The following ZFHX3 variants were observed in gnomAD, a reference collection of about 807,000 sequenced individuals.
ZFHX3 encodes the protein zinc finger homeobox protein 3.
A neutral mutation model predicts 279.1 loss-of-function variants in ZFHX3; 42 were observed. The observed-to-expected ratio is 0.15, with a 90% CI of 0.12 to 0.19. The LOEUF (loss-of-function observed/expected upper bound fraction) is 0.19. Among genes scored for constraint, ZFHX3 ranks in the 10% least tolerant of loss-of-function variants. The pLI, the probability that ZFHX3 is intolerant of heterozygous loss-of-function variation, is 1.00. For missense variants in ZFHX3, 4,981 were observed against 4,754.0 expected (o/e 1.05, Z -1.40); for synonymous variants, 2,293 against 1,957.8 (o/e 1.17, Z -4.52).
At chr16:73,052,431 G>T (rs1458440742), upstream of ZFHX3, among the ~76,000 whole-genome samples, 1 of 151,908 alleles carries the variant, frequency 6.6e-6, no homozygotes, top group African/African-American at 2.4e-5. Context: ...ATAGACAAAA[G>T]ATGACCTTTT....
At chr16:73,083,767 C>T (rs1005081883) in intron 8 of ZFHX3, among the ~76,000 whole-genome samples, 3 of 152,116 alleles carry the variant, frequency 2.0e-5, no homozygotes, top group Non-Finnish European at 2.9e-5. Context: ...TGGGCTCAAG[C>T]GATCTGCCCG....
chr16:73,248,498 CTA>C (rs1365086988), intron 5 of ZFHX3, among the ~76,000 whole-genome samples: 1 of 150,596 alleles, frequency 6.6e-6, no homozygotes, highest in Non-Finnish European at 1.5e-5. Context: ...GTCTATGTGT[CTA>C]TGTGTGTGTG....
chr16:72,977,514 C>A (rs1046352485), intron 1 of ZFHX3, among the ~76,000 whole-genome samples: 1 of 152,100 alleles, frequency 6.6e-6, no homozygotes, highest in African/African-American at 2.4e-5. Context: ...CATGAACCAC[C>A]TCTTAGAAGT....
At chr16:73,220,398 A>G (rs2012371066) in intron 5 of ZFHX3, among the ~76,000 whole-genome samples, 1 of 152,198 alleles carries the variant, frequency 6.6e-6, no homozygotes, top group Non-Finnish European at 1.5e-5. Context: ...TAAAAAAGAA[A>G]ATATGGGGAA....
In ZFHX3 at chr16:73,366,734, G is replaced by A. The variant is rs181429877; in HGVS notation, c.-1290-48398C>T. 8.3e-4 allele frequency among the ~76,000 whole-genome samples: 127 copies of A among 152,214 alleles called. 1 individual carries two copies. In the East Asian group the frequency reaches 0.012, roughly 15 times the overall value. On this transcript the variant is annotated intron_variant, in intron 3 of 17. Transcript: ENST00000641206. ...TGCACATGCATGTGTGTGTGTGTGC[G>A]TGCACACTCACTGTATGAGTAAATT...
At chr16:73,455,727 T>G (rs2018359741) in intron 3 of ZFHX3, among the ~76,000 whole-genome samples, 1 of 89,228 alleles carries the variant, frequency 1.1e-5, no homozygotes. Context: ...TTTTAAAATA[T>G]TGCTTTTTTT....
chr16:73,236,151 C>T (rs1371563856), intron 5 of ZFHX3, among the ~76,000 whole-genome samples: 2 of 152,160 alleles, frequency 1.3e-5, no homozygotes, highest in Non-Finnish European at 2.9e-5. Context: ...AAGGACACGG[C>T]ATACGTCAAG....
At chr16:73,351,436 T>G (rs961903914) in intron 3 of ZFHX3, among the ~76,000 whole-genome samples, 6 of 152,212 alleles carry the variant, frequency 3.9e-5, no homozygotes, top group Non-Finnish European at 7.3e-5. Context: ...CCCCTGCATT[T>G]AAACGCTGCT....
intron 7 of ZFHX3, among the ~76,000 whole-genome samples, chr16:73,117,823 C>T (rs1966450295): frequency 6.6e-6 from 1 of 152,174 alleles, no homozygotes; most frequent in Non-Finnish European, 1.5e-5. Context: ...TGAGAGAGAG[C>T]TCCCTTGCCC....
At position 72,922,099 on chromosome 16, in the gene ZFHX3, G is replaced by GA. The variant is rs534926377; in HGVS notation, c.3216+28369dup. On this transcript the variant is annotated intron_variant, in intron 3 of 9. Transcript: ENST00000268489. ...GCCCACACTCTGCCACTGAGTCACC[G>GA]AAACAGCAGACCTTCGCATTTCCAC... Among the ~76,000 whole-genome samples the GA allele has an allele frequency of 1.5e-3, 228 of 152,278 alleles. 1 individual carries two copies. The highest frequency in any genetic ancestry group is 5.1e-3 in the African/African-American group (210 of 41,558).
intron 5 of ZFHX3, among the ~76,000 whole-genome samples, chr16:73,228,919 C>G (rs759726855): frequency 6.6e-6 from 1 of 152,072 alleles, no homozygotes; most frequent in Admixed American, 6.6e-5. Flanking sequence ...TGGAAGACGT[C>G]GTGGCTTGGG....
At chr16:73,654,125 A>T (rs887945203) in intron 2 of ZFHX3, among the ~76,000 whole-genome samples, 1 of 150,710 alleles carries the variant, frequency 6.6e-6, no homozygotes, top group Admixed American at 6.6e-5. Flanking sequence ...CGGAGCCTGC[A>T]GTGAGCCGAG....
chr16:73,215,176 T>G (rs780237919), intron 5 of ZFHX3, among the ~76,000 whole-genome samples: 4 of 152,238 alleles, frequency 2.6e-5, no homozygotes, highest in Admixed American at 2.6e-4. Flanking sequence ...CAGCATCTAC[T>G]GGGTATGACA....
Position 72,813,570 on chromosome 16 carries a change from T to C in ZFHX3, c.3530-1532A>G, listed in dbSNP as rs1597265915. Among the ~76,000 whole-genome samples the C allele has an allele frequency of 3.9e-5, 6 of 152,242 alleles. No individual in the cohort carries two copies. In the East Asian group the frequency reaches 9.6e-4, roughly 24 times the overall value. On this transcript the variant is annotated intron_variant, in intron 5 of 9. Coordinates refer to ENST00000268489, the MANE Select transcript of ZFHX3 (RefSeq NM_006885.4). ...ACCCCAGTATCTTGGTAACCTGGTC[T>C]ACATAAGTTTGTAGGACATCTATTA... is the stretch of plus-strand genomic sequence containing the variant.
chr16:73,504,168 C>T (rs1464384735), intron 2 of ZFHX3: 1 of 152,120 alleles, frequency 6.6e-6, no homozygotes, highest in African/African-American at 2.4e-5. Flanking sequence ...ATGCTCCCCA[C>T]CACCCTATCC....
chr16:73,875,565 T>A (rs2029920807), intron 1 of ZFHX3, among the ~76,000 whole-genome samples: 1 of 152,182 alleles, frequency 6.6e-6, no homozygotes, highest in Non-Finnish European at 1.5e-5. Context: ...TACTTCCTAT[T>A]TTTCCACTTC....
intron 2 of ZFHX3, among the ~76,000 whole-genome samples, chr16:73,488,245 G>A (rs1000001239): frequency 4.6e-5 from 7 of 152,162 alleles, no homozygotes; most frequent in African/African-American, 1.7e-4. Flanking sequence ...CTTTAGGGCT[G>A]GCTGATCAGA....
At chr16:73,878,166 A>G (rs1483560094) in intron 1 of ZFHX3, among the ~76,000 whole-genome samples, 2 of 151,824 alleles carry the variant, frequency 1.3e-5, no homozygotes, top group African/African-American at 2.4e-5. Flanking sequence ...AGCAATGACA[A>G]CTCTTGCTGG....
upstream of ZFHX3, chr16:73,059,731 T>C (rs1965657304): frequency 6.6e-6 from 1 of 152,074 alleles, no homozygotes. Flanking sequence ...GAAGGAAAAT[T>C]ACCTCCCCCC....
Sources: gnomAD v4.1 joint callset for allele counts (sites outside exome capture counted in the v4.1 genomes callset) on GRCh38, gnomAD v4.1.1 for gene constraint, MANE v1.5 for transcripts, NCBI Gene and HGNC (gene_info 2026-07-23, HGNC 2026-07-21) for gene names.